Variants in ELMOD1 observed in about 807,000 individuals in gnomAD.
ELMOD1 encodes ELMO domain containing 1.
In ELMOD1, 21 loss-of-function variants were observed where a neutral mutation model predicts 46.7. The observed-to-expected ratio is 0.45, with a 90% confidence interval of 0.32 to 0.65. The LOEUF (loss-of-function observed/expected upper bound fraction) is 0.65. Among genes scored for constraint, ELMOD1 ranks in the 30% least tolerant of loss-of-function variants. The probability of loss-of-function intolerance (pLI) is 0.04; values close to 1 mark genes in which losing one functional copy is unlikely to be tolerated. For synonymous variants in ELMOD1, 122 were observed against 138.2 expected (o/e 0.88, Z 0.82); for missense variants, 348 against 407.8 (o/e 0.85, Z 1.26).
At chr11:107,599,090 T>C (rs1171695139) in intron 1 of ELMOD1, among the ~76,000 whole-genome samples, 4 of 152,248 alleles carry the variant, frequency 2.6e-5, no homozygotes, top group South Asian at 2.1e-4. Flanking sequence ...TTCGAACTAG[T>C]GCTATGAGGA....
chr11:107,644,770 A>G (rs1213003558), intron 6 of ELMOD1, among the ~76,000 whole-genome samples: 1 of 152,040 alleles, frequency 6.6e-6, no homozygotes, highest in Non-Finnish European at 1.5e-5. Context: ...CACCGCACCC[A>G]GCCAAAACAA....
rs1212175066 is a variant in ELMOD1, at chr11:107,636,917, G to A, written c.420+1152G>A. Reference sequence around the variant, plus strand: ...TACCCAAACATAGGAAATAAGAGGTGACAGAGAAAAGAGGTGTTGTAATTA... The same window carrying A: ...TACCCAAACATAGGAAATAAGAGGTAACAGAGAAAAGAGGTGTTGTAATTA... On this transcript the variant is annotated intron_variant, in intron 6 of 11. Coordinates refer to ENST00000265840, the MANE Select transcript of ELMOD1 (RefSeq NM_018712.4). Among the ~76,000 whole-genome samples, 12 of 152,156 alleles carry A rather than the reference G, an allele frequency of 7.9e-5. No homozygotes were observed. In the East Asian group the frequency reaches 2.1e-3, roughly 27 times the overall value.
intron 1 of ELMOD1, among the ~76,000 whole-genome samples, chr11:107,593,853 G>C (rs767799644): frequency 4.6e-5 from 7 of 151,964 alleles, no homozygotes; most frequent in Non-Finnish European, 7.4e-5. Context: ...CCTCCTTTTT[G>C]GGTCATTTAT....
intron 7 of ELMOD1, among the ~76,000 whole-genome samples, chr11:107,648,964 T>C (rs1286716226): frequency 6.6e-6 from 1 of 152,192 alleles, no homozygotes; most frequent in Non-Finnish European, 1.5e-5. Context: ...GCAGTGATAT[T>C]ATTTTTAAAA....
At chr11:107,635,464 C>G (rs965877491) in intron 5 of ELMOD1, among the ~76,000 whole-genome samples, 172 bp from the exon 6 acceptor site, 4 of 152,046 alleles carry the variant, frequency 2.6e-5, no homozygotes, top group Non-Finnish European at 5.9e-5. Flanking sequence ...CTACAGTTGT[C>G]CATGTGGAGA....
rs181646666 is a variant in ELMOD1, at chr11:107,617,726, G to A, written c.-85-379G>A. Among the ~76,000 whole-genome samples the A allele has an allele frequency of 2.0e-4, 30 of 152,208 alleles. No individual in the cohort carries two copies. In the East Asian group the frequency reaches 5.2e-3, roughly 26 times the overall value. ...GTTGTACTTCTACAAAGTTGGGGCC[G>A]CCAGATACTAGACTATTGGATATCT... On this transcript the variant is annotated intron_variant, in intron 1 of 11. Coordinates refer to ENST00000265840, the MANE Select transcript of ELMOD1 (RefSeq NM_018712.4).
At chr11:107,619,872 A>G (rs947021094) in intron 2 of ELMOD1, among the ~76,000 whole-genome samples, 2 of 152,070 alleles carry the variant, frequency 1.3e-5, no homozygotes, top group Non-Finnish European at 2.9e-5. Flanking sequence ...TGGAGTGTAT[A>G]TTTTATAAAT....
intron 1 of ELMOD1, among the ~76,000 whole-genome samples, chr11:107,609,700 C>A (rs190187710): frequency 6.6e-6 from 1 of 151,730 alleles, no homozygotes; most frequent in African/African-American, 2.4e-5. Flanking sequence ...TTTCTCTCAG[C>A]TGGAAAAGAA....
chr11:107,614,607 G>C (rs539084269), intron 1 of ELMOD1, among the ~76,000 whole-genome samples: 119 of 152,296 alleles, frequency 7.8e-4, no homozygotes, highest in African/African-American at 2.8e-3. Flanking sequence ...AAAGTGCTGG[G>C]ATTACAGGCA....
chr11:107,607,229 T>C (rs1227069576), intron 1 of ELMOD1, among the ~76,000 whole-genome samples: 1 of 152,210 alleles, frequency 6.6e-6, no homozygotes, highest in Non-Finnish European at 1.5e-5. Flanking sequence ...CACATGTACA[T>C]ACTGTCAGAC....
chr11:107,595,873 T>G (rs984613735), intron 1 of ELMOD1, among the ~76,000 whole-genome samples: 2 of 152,082 alleles, frequency 1.3e-5, no homozygotes, highest in African/African-American at 4.8e-5. Flanking sequence ...TGAATAACTT[T>G]ATTCTCAATG....
rs1407039905 is a variant in ELMOD1 at position 107,647,523 on chromosome 11, G to T, written c.476G>T (p.Trp159Leu). ...TPLESRISKQ[W>L]CEIGFQGDDP... The stretch of plus-strand genomic sequence containing the variant: ...CTGGAATCTCGGATTTCTAAGCAGT[G>T]GTGTGAAATTGGTTTCCAAGGTGAT... The change falls in exon 7 of 12, where the codon TGG (tryptophan) becomes TTG (leucine). Residue 159 changes from tryptophan (W) to leucine (L), a missense_variant. By Grantham distance (61) the Trp-to-Leu change is moderately conservative (BLOSUM62 -2). Coordinates refer to ENST00000265840, the MANE Select transcript of ELMOD1 (RefSeq NM_018712.4). The T allele has an allele frequency of 6.2e-7, 1 of 1,613,312 alleles. No individual in the cohort carries two copies. The highest frequency in any genetic ancestry group is 8.5e-7 in the Non-Finnish European group (1 of 1,179,592).
At chr11:107,632,476 G>A (rs1008076527) in intron 5 of ELMOD1, among the ~76,000 whole-genome samples, 5 of 152,168 alleles carry the variant, frequency 3.3e-5, no homozygotes, top group African/African-American at 4.8e-5. Context: ...GCACACTTGC[G>A]TAGGTCTATC....
chr11:107,599,757 A>G (rs1347563325), intron 1 of ELMOD1, among the ~76,000 whole-genome samples: 3 of 149,660 alleles, frequency 2.0e-5, no homozygotes, highest in Non-Finnish European at 4.4e-5. Context: ...AAAAAGAAAA[A>G]AAGAAAAGAA....
At chr11:107,602,426 G>A (rs756743300) in intron 1 of ELMOD1, among the ~76,000 whole-genome samples, 7 of 151,968 alleles carry the variant, frequency 4.6e-5, no homozygotes, top group Admixed American at 6.6e-5. Context: ...CAACATTCTC[G>A]CTTTTCTTTC....
chr11:107,631,050 A>G (rs56204863), intron 4 of ELMOD1, among the ~76,000 whole-genome samples: 6,004 of 152,284 alleles, frequency 0.039, 121 homozygotes, highest in South Asian at 0.072. Flanking sequence ...CTCAATATCC[A>G]AATCATTTTT....
At chr11:107,621,058 T>C (rs1254747072) in intron 2 of ELMOD1, among the ~76,000 whole-genome samples, 1 of 152,248 alleles carries the variant, frequency 6.6e-6, no homozygotes, top group East Asian at 1.9e-4. Flanking sequence ...TCTGAAAACT[T>C]GTGCTGAAGA....
chr11:107,627,801 T>C (rs1009657100), intron 2 of ELMOD1, among the ~76,000 whole-genome samples: 1 of 152,190 alleles, frequency 6.6e-6, no homozygotes, highest in African/African-American at 2.4e-5. Flanking sequence ...GGTCGTCCTC[T>C]TCTCTAGGAA....
At chr11:107,626,474 C>T (rs1866043351) in intron 2 of ELMOD1, among the ~76,000 whole-genome samples, 2 of 150,968 alleles carry the variant, frequency 1.3e-5, no homozygotes, top group Non-Finnish European at 3.0e-5. Context: ...GAAACAGATA[C>T]ACCTTTTCTT....
Sources: gnomAD v4.1 joint callset for allele counts (sites outside exome capture counted in the v4.1 genomes callset) on GRCh38, gnomAD v4.1.1 for gene constraint, MANE v1.5 for transcripts, NCBI Gene and HGNC (gene_info 2026-07-23, HGNC 2026-07-21) for gene names.